The following BNC2 variants were observed in gnomAD, a reference collection of about 807,000 sequenced individuals.
The protein encoded by BNC2 is zinc finger protein basonuclin-2.
Under a neutral mutation model 76.3 loss-of-function variants are expected in BNC2, and 20 were observed. The ratio of observed to expected loss-of-function variants is 0.26; its 90% CI spans 0.18 to 0.38. The LOEUF is 0.38. Ranked by LOEUF, BNC2 falls within the 10% of genes least tolerant of loss-of-function variation. The pLI is 1.00. For synonymous variants in BNC2, 582 were observed against 514.8 expected (o/e 1.13, Z -1.77); for missense variants, 1,382 against 1,399.8 (o/e 0.99, Z 0.20).
At chr9:16,856,551 G>C (rs900428339) in intron 1 of BNC2, among the ~76,000 whole-genome samples, 1 of 152,044 alleles carries the variant, frequency 6.6e-6, no homozygotes, top group African/African-American at 2.4e-5. Flanking sequence ...TGGGACTACA[G>C]GCATGCACCA....
Position 16,436,925 on chromosome 9 carries a change from T to C in BNC2, c.1269A>G (p.Ser423=). The C allele has an allele frequency of 1.2e-6, 2 of 1,614,178 alleles. No individual in the cohort carries two copies. The highest frequency in any genetic ancestry group is 1.7e-6 in the Non-Finnish European group (2 of 1,180,036). The part of the protein sequence containing the change: ...DLTKTEHPKS[S]FRIHRMRRMG... The stretch of plus-strand genomic sequence containing the variant: ...TCCTTCTCATCCGATGAATCCGGAA[T>C]GAGCTTTTTGGGTGTTCAGTTTTGG... The change falls in exon 6 of 7, where the codon TCA becomes TCG. Residue 423 remains serine (S), a synonymous_variant. Coordinates refer to ENST00000380672, the MANE Select transcript of BNC2 (RefSeq NM_017637.6).
chr9:16,436,638 G>A lies in BNC2; in HGVS notation c.1556C>T (p.Thr519Ile). 2 of 1,614,128 alleles carry A rather than the reference G, an allele frequency of 1.2e-6. No homozygotes were observed. Among genetic ancestry groups the A allele is most frequent in the Non-Finnish European group, 1.7e-6 (2 of 1,180,020 alleles). Residue 519 changes from threonine (T) to isoleucine (I), a missense_variant, in exon 6 of 7, where the codon ACC becomes ATC. By Grantham distance (89) the Thr-to-Ile change is moderately conservative (BLOSUM62 -1). Around this residue, in one of 3 missense-constraint regions of BNC2, gnomAD observed 798 missense variants for 775.5 expected, o/e 1.03. Transcript: ENST00000380672. The part of the protein sequence containing the change: ...DLIRATSGAA[T>I]PVIASTKSNL... ...TGATTTTGTACTTGCTATGACAGGG[G>A]TGGCAGCTCCTGAGGTGGCCCGAAT...
intron 1 of BNC2, among the ~76,000 whole-genome samples, chr9:16,799,368 G>T (rs536029655): frequency 6.6e-6 from 1 of 151,826 alleles, no homozygotes; most frequent in Non-Finnish European, 1.5e-5. Context: ...AAACTGGAGT[G>T]CAGTGGCAGG....
chr9:16,840,654 A>G (rs1315053348), intron 1 of BNC2, among the ~76,000 whole-genome samples: 1 of 152,194 alleles, frequency 6.6e-6, no homozygotes, highest in Non-Finnish European at 1.5e-5. Flanking sequence ...AGCAAAAAAG[A>G]ATTACCAGGT....
At chr9:16,681,142 T>G (rs958593927) in intron 3 of BNC2, among the ~76,000 whole-genome samples, 1 of 152,186 alleles carries the variant, frequency 6.6e-6, no homozygotes, top group Admixed American at 6.5e-5. Flanking sequence ...GTGGCATACT[T>G]GCAGCAAGCA....
intron 1 of BNC2, among the ~76,000 whole-genome samples, chr9:16,824,483 TCA>T (rs1818407661): frequency 6.6e-6 from 1 of 152,194 alleles, no homozygotes; most frequent in Admixed American, 6.5e-5. Flanking sequence ...TTGCCTGTCC[TCA>T]GTCACCTCCT....
chr9:16,614,024 C>A (rs1342493601), intron 3 of BNC2, among the ~76,000 whole-genome samples: 1 of 152,180 alleles, frequency 6.6e-6, no homozygotes, highest in Non-Finnish European at 1.5e-5. Context: ...GTTTGTGTGT[C>A]CTTGGAGCCA....
intron 4 of BNC2, among the ~76,000 whole-genome samples, chr9:16,582,749 A>AGTT (rs1819660038): frequency 6.6e-6 from 1 of 152,168 alleles, no homozygotes; most frequent in Non-Finnish European, 1.5e-5. Flanking sequence ...TGTCCTATAA[A>AGTT]CATCTTGGCC....
chr9:16,779,842 G>C (rs1293972206), intron 1 of BNC2, among the ~76,000 whole-genome samples: 1 of 152,160 alleles, frequency 6.6e-6, no homozygotes, highest in South Asian at 2.1e-4. Context: ...AGTGTTGTGG[G>C]GGGGCCAGGA....
At chr9:16,578,197 G>A (rs966955221) in intron 4 of BNC2, among the ~76,000 whole-genome samples, 3 of 151,864 alleles carry the variant, frequency 2.0e-5, no homozygotes, top group African/African-American at 4.8e-5. Flanking sequence ...AAATATCATG[G>A]GATAAAAACA....
intron 5 of BNC2, among the ~76,000 whole-genome samples, chr9:16,487,246 C>T (rs1314348434): frequency 6.6e-6 from 1 of 152,120 alleles, no homozygotes; most frequent in African/African-American, 2.4e-5. Flanking sequence ...GTAATAACAG[C>T]AGTAAGTCTG....
chr9:16,696,064 A>C (rs923984490), intron 3 of BNC2, among the ~76,000 whole-genome samples: 14 of 152,100 alleles, frequency 9.2e-5, no homozygotes, highest in Non-Finnish European at 2.1e-4. Context: ...GCTGTCCCCC[A>C]CACACTTTCC....
chr9:16,620,372 G>A (rs574305563), intron 3 of BNC2, among the ~76,000 whole-genome samples: 4 of 152,262 alleles, frequency 2.6e-5, no homozygotes, highest in South Asian at 2.1e-4. Context: ...AACAGCTAAC[G>A]GACTTTGCTC....
chr9:16,802,180 A>G (rs1817800954), intron 1 of BNC2, among the ~76,000 whole-genome samples: 1 of 152,236 alleles, frequency 6.6e-6, no homozygotes, highest in African/African-American at 2.4e-5. Flanking sequence ...GTGCAAATAT[A>G]TTAGCTGCGA....
chr9:16,469,346 G>A (rs911701477), intron 5 of BNC2, among the ~76,000 whole-genome samples: 3 of 152,156 alleles, frequency 2.0e-5, no homozygotes, highest in African/African-American at 4.8e-5. Flanking sequence ...TCTTTCCCAT[G>A]CTGTTCTCGA....
At chr9:16,772,104 T>C (rs540878163) in intron 1 of BNC2, among the ~76,000 whole-genome samples, 30 of 152,374 alleles carry the variant, frequency 2.0e-4, no homozygotes, top group South Asian at 8.3e-4. Context: ...TAACAGGTTT[T>C]TCCTTTATTT....
At chr9:16,614,653 G>GT (rs1267077670) in intron 3 of BNC2, among the ~76,000 whole-genome samples, 3 of 33,558 alleles carry the variant, frequency 8.9e-5, no homozygotes, top group Non-Finnish European at 4.6e-4. Flanking sequence ...CATGCATGAA[G>GT]TTAAAAAAAA....
chr9:16,497,937 A>G (rs1822424213), intron 5 of BNC2, among the ~76,000 whole-genome samples: 1 of 150,652 alleles, frequency 6.6e-6, no homozygotes. Flanking sequence ...CGTGGAACCA[A>G]CCCAAATGCC....
intron 1 of BNC2, among the ~76,000 whole-genome samples, chr9:16,799,690 C>G (rs1817736723): frequency 6.6e-6 from 1 of 152,096 alleles, no homozygotes; most frequent in Non-Finnish European, 1.5e-5. Context: ...TTGATGCTAA[C>G]TACATAAAAA....
Sources: gnomAD v4.1 joint callset for allele counts (sites outside exome capture counted in the v4.1 genomes callset) on GRCh38, gnomAD v4.1.1 for gene constraint, gnomAD v4.1.1 regional missense constraint, MANE v1.5 for transcripts, NCBI Gene and HGNC (gene_info 2026-07-23, HGNC 2026-07-21) for gene names.